The following PARD3B variants were observed in gnomAD, a reference collection of about 807,000 sequenced individuals.
PARD3B encodes the protein par-3 family cell polarity regulator beta.
A neutral mutation model predicts 130.2 loss-of-function variants in PARD3B; 103 were observed. The ratio of observed to expected loss-of-function variants is 0.79; its 90% CI spans 0.67 to 0.93. PARD3B has a LOEUF of 0.93. Among genes scored for constraint, PARD3B ranks in the 40% least tolerant of loss-of-function variants. The pLI, the probability that PARD3B is intolerant of heterozygous loss-of-function variation, is 0.00. For missense variants in PARD3B, 1,609 were observed against 1,499.2 expected (o/e 1.07, Z -1.21); for synonymous variants, 583 against 553.2 (o/e 1.05, Z -0.76).
In PARD3B at chr2:205,122,848, C is replaced by T. The variant is rs1199622567; in HGVS notation, c.1165+899C>T. On this transcript the variant is annotated intron_variant, in intron 8 of 22. Coordinates refer to ENST00000406610, the MANE Select transcript of PARD3B (RefSeq NM_001302769.2). This position sits in a 1 kb window ranked among gnomAD's most constrained non-coding sequence, Gnocchi z 4.3. ...AAAATTTCATTCACCTATAAGAATT[C>T]TATTCTGGGAATAAAATACATTGAC... Among the ~76,000 whole-genome samples the T allele has an allele frequency of 1.3e-5, 2 of 152,166 alleles. No individual in the cohort carries two copies. Among genetic ancestry groups the T allele is most frequent in the Non-Finnish European group, 1.5e-5 (1 of 68,014 alleles).
At chr2:205,013,295 A>G (rs1695870886) in intron 3 of PARD3B, among the ~76,000 whole-genome samples, 1 of 152,204 alleles carries the variant, frequency 6.6e-6, no homozygotes, top group African/African-American at 2.4e-5. Flanking sequence ...GTCTTCTTCT[A>G]GTATTTATAA....
At chr2:205,250,784 C>A (rs935437999) in intron 16 of PARD3B, among the ~76,000 whole-genome samples, 1 of 152,060 alleles carries the variant, frequency 6.6e-6, no homozygotes, top group Admixed American at 6.6e-5. Flanking sequence ...CAAAAATTAG[C>A]TGGGCATGGT....
intron 4 of PARD3B, among the ~76,000 whole-genome samples, chr2:205,051,005 T>C (rs1226866069): frequency 2.6e-5 from 4 of 152,160 alleles, no homozygotes; most frequent in African/African-American, 9.7e-5. Context: ...CGTGGCACCC[T>C]GCATATAGCC....
At chr2:205,363,396 C>T (rs2044470403) in intron 18 of PARD3B, among the ~76,000 whole-genome samples, 1 of 152,124 alleles carries the variant, frequency 6.6e-6, no homozygotes, top group South Asian at 2.1e-4. Flanking sequence ...CCTTTATGCA[C>T]TAGGATCTAC....
In PARD3B at chr2:204,623,729, C is replaced by A. The variant is rs1377409519; in HGVS notation, c.121-62452C>A. 6.6e-6 allele frequency among the ~76,000 whole-genome samples: 1 copy of A among 152,074 alleles called. No individual in the cohort carries two copies. Among genetic ancestry groups the A allele is most frequent in the East Asian group, 1.9e-4 (1 of 5,190 alleles). On this transcript the variant is annotated intron_variant, in intron 1 of 22. Coordinates refer to ENST00000406610, the MANE Select transcript of PARD3B (RefSeq NM_001302769.2). This position sits in a 1 kb window ranked among gnomAD's most constrained non-coding sequence, Gnocchi z 4.5. ...ATAATACAGCAGTATTAACTATTGG[C>A]ATAATGCTCCACAGCAGGTCTCTAG... is the stretch of plus-strand genomic sequence containing the variant.
intron 18 of PARD3B, among the ~76,000 whole-genome samples, chr2:205,359,180 G>A (rs555304976): frequency 6.6e-6 from 1 of 152,208 alleles, no homozygotes; most frequent in African/African-American, 2.4e-5. Flanking sequence ...TGCTTTATTG[G>A]TCCAGAGTAA....
chr2:204,601,843 C>G (rs1315553659), intron 1 of PARD3B, among the ~76,000 whole-genome samples: 1 of 151,976 alleles, frequency 6.6e-6, no homozygotes, highest in African/African-American at 2.4e-5. Flanking sequence ...GGTAGTTTCT[C>G]TTCTTAAGGA....
chr2:205,600,813 G>A (rs929257890), intron 22 of PARD3B, among the ~76,000 whole-genome samples: 3 of 152,100 alleles, frequency 2.0e-5, no homozygotes, highest in Admixed American at 6.5e-5. Flanking sequence ...CTCCATCCAC[G>A]TCCCTGCAAA....
intron 16 of PARD3B, among the ~76,000 whole-genome samples, chr2:205,282,792 A>G (rs2041241279): frequency 6.6e-6 from 1 of 152,198 alleles, no homozygotes; most frequent in South Asian, 2.1e-4. Context: ...ACCTTGTTCC[A>G]GTGAAAAATT....
At chr2:205,329,563 G>A (rs1271612264) in intron 18 of PARD3B, among the ~76,000 whole-genome samples, 1 of 152,214 alleles carries the variant, frequency 6.6e-6, no homozygotes, top group Non-Finnish European at 1.5e-5. Context: ...CTCTGTGAAA[G>A]TAAGTGTAAT....
At chr2:204,960,527 A>G (rs1690651200) in intron 2 of PARD3B, among the ~76,000 whole-genome samples, 1 of 152,162 alleles carries the variant, frequency 6.6e-6, no homozygotes, top group African/African-American at 2.4e-5. Flanking sequence ...AAGATTAAAT[A>G]TGGATCATTT....
chr2:205,279,076 A>AC (rs1251111659), intron 16 of PARD3B, among the ~76,000 whole-genome samples: 33 of 149,138 alleles, frequency 2.2e-4, no homozygotes, highest in Non-Finnish European at 4.3e-4. Context: ...GTCTCAAAAA[A>AC]AAAAAAAAAA....
chr2:205,523,178 C>A (rs2051157255), intron 21 of PARD3B, among the ~76,000 whole-genome samples: 2 of 147,952 alleles, frequency 1.4e-5, no homozygotes, highest in South Asian at 2.1e-4. Context: ...TTTTATATAC[C>A]CTTTTCTGTT....
chr2:204,976,761 C>G (rs2125193909), intron 3 of PARD3B, among the ~76,000 whole-genome samples: 1 of 152,000 alleles, frequency 6.6e-6, no homozygotes, highest in East Asian at 1.9e-4. Flanking sequence ...TGCGGGCCAT[C>G]ACACCCAGCT....
At chr2:204,762,589 T>C (rs1198447598) in intron 2 of PARD3B, among the ~76,000 whole-genome samples, 1 of 152,182 alleles carries the variant, frequency 6.6e-6, no homozygotes, top group Admixed American at 6.5e-5. Flanking sequence ...TTTAAAGGTG[T>C]CAATTAAACA....
chr2:205,245,465 T>TTTAGAA (rs2039531845), intron 15 of PARD3B, among the ~76,000 whole-genome samples: 1 of 152,192 alleles, frequency 6.6e-6, no homozygotes, highest in East Asian at 1.9e-4. Flanking sequence ...TCCCTGGGTC[T>TTTAGAA]ATGAATTTGG....
chr2:205,374,258 A>G (rs1410625770), intron 18 of PARD3B, among the ~76,000 whole-genome samples: 2 of 151,084 alleles, frequency 1.3e-5, no homozygotes, highest in Non-Finnish European at 2.9e-5. Flanking sequence ...TTTTTTTGAG[A>G]TGGAATCTTT....
At position 205,068,296 on chromosome 2, in the gene PARD3B, A is replaced by G. The variant is rs755604482; in HGVS notation, c.504+20606A>G. ...TTGTAGTATTTTCAAATGTATTGTC[A>G]TAGTCTTAAGATTTCAAAGTAATCT... On this transcript the variant is annotated intron_variant, in intron 4 of 22. Coordinates refer to ENST00000406610, the MANE Select transcript of PARD3B (RefSeq NM_001302769.2). 2.0e-5 allele frequency among the ~76,000 whole-genome samples: 3 copies of G among 151,780 alleles called. 1 individual carries two copies. The highest frequency in any genetic ancestry group is 6.6e-5 in the Admixed American group (1 of 15,236).
At chr2:205,120,730 G>T (rs1325852962) in intron 7 of PARD3B, among the ~76,000 whole-genome samples, 1 of 152,170 alleles carries the variant, frequency 6.6e-6, no homozygotes, top group Non-Finnish European at 1.5e-5. Flanking sequence ...AGTTTCCTCA[G>T]TCACTTCTGA....
Sources: allele counts gnomAD v4.1 joint callset (sites outside exome capture counted in the v4.1 genomes callset), GRCh38; gene constraint gnomAD v4.1.1; non-coding constraint Gnocchi (gnomAD v3.1); transcripts MANE v1.5; gene names NCBI Gene and HGNC (gene_info 2026-07-23, HGNC 2026-07-21).